Variants in TSN observed in about 807,000 individuals in gnomAD.
TSN encodes translin.
In TSN, 5 loss-of-function variants were observed where a neutral mutation model predicts 29.4. The ratio of observed to expected loss-of-function variants is 0.17; its 90% CI spans 0.09 to 0.36. The LOEUF is 0.36. Ranked by LOEUF, TSN falls within the 10% of genes least tolerant of loss-of-function variation. The pLI, the probability that TSN is intolerant of heterozygous loss-of-function variation, is 1.00. For missense variants in TSN, 159 were observed against 272.8 expected (o/e 0.58, Z 2.94); for synonymous variants, 106 against 102.2 (o/e 1.04, Z -0.23).
At position 121,755,760 on chromosome 2, in the gene TSN, A is replaced by G; in HGVS notation, c.-20A>G. On this transcript the variant is annotated 5_prime_UTR_variant, in exon 1 of 6. Coordinates refer to ENST00000389682, the MANE Select transcript of TSN (RefSeq NM_004622.3). ...TTGGCCGCCCTTGCTACACTGGCTGATTGTTGTGCAGCCGGCGCCATGTCT... is the reference window on the plus strand; with the variant it reads ...TTGGCCGCCCTTGCTACACTGGCTGGTTGTTGTGCAGCCGGCGCCATGTCT... The G allele has an allele frequency of 1.2e-6, 2 of 1,607,662 alleles. No homozygotes were observed. Among genetic ancestry groups the G allele is most frequent in the Non-Finnish European group, 1.7e-6 (2 of 1,179,952 alleles).
In TSN at chr2:121,765,663, C is replaced by G. The variant is rs2074892222; in HGVS notation, c.*296C>G. ...TTGGTAAAGTCCTTTTCTTGCTTAC[C>G]TTGACTGTTGATGTACTGATTGAGA... On this transcript the variant is annotated 3_prime_UTR_variant, in exon 6 of 6. Transcript: ENST00000389682. 1 of 409,236 alleles carries G rather than the reference C, an allele frequency of 2.4e-6. No individual in the cohort carries two copies. The allele number at this position is 409,236 out of a possible 1,614,324, so 25.4% of individuals were successfully genotyped here.
At chr2:121,758,614 T>G in intron 2 of TSN, 96 bp from the exon 3 acceptor site, 1 of 910,726 alleles carries the variant, frequency 1.1e-6, no homozygotes, top group African/African-American at 1.7e-5. Context: ...GAGGTTTTTT[T>G]GTTGATTAAT....
chr2:121,755,838 T>A lies in TSN; in HGVS notation c.59T>A (p.Ile20Asn). Residue 20 changes from isoleucine (I) to asparagine (N), a missense_variant, in exon 1 of 6, where the codon ATC becomes AAC. This residue lies in a region of TSN where 43 missense variants were observed against 68.6 expected (regional missense o/e 0.63). Coordinates refer to ENST00000389682, the MANE Select transcript of TSN (RefSeq NM_004622.3). ...LQGFLAAEQD[I>N]REEIRKVVQS... ...GGCTTTTTGGCTGCCGAGCAGGACA[T>A]CCGAGAGGCGAGCCCCCTCCCTTCC... The A allele has an allele frequency of 6.2e-7, 1 of 1,614,086 alleles. No individual in the cohort carries two copies. Among genetic ancestry groups the A allele is most frequent in the East Asian group, 2.2e-5 (1 of 44,876 alleles).
chr2:121,763,367 G>T (rs534266535), intron 5 of TSN, among the ~76,000 whole-genome samples: 4 of 152,000 alleles, frequency 2.6e-5, no homozygotes, highest in Non-Finnish European at 4.4e-5. Context: ...GGATGGTCTC[G>T]ATCTCCTGAC....
chr2:121,759,919 G>C (rs1435186300), intron 3 of TSN, among the ~76,000 whole-genome samples: 2 of 152,160 alleles, frequency 1.3e-5, no homozygotes, highest in African/African-American at 2.4e-5. Flanking sequence ...TCCCAGATAA[G>C]AATATGTAAC....
In TSN at chr2:121,758,807, G is replaced by A; in HGVS notation, c.257+1G>A. The A allele has an allele frequency of 6.6e-7, 1 of 1,522,844 alleles. No individual in the cohort carries two copies. Among genetic ancestry groups the A allele is most frequent in the Non-Finnish European group, 8.8e-7 (1 of 1,137,138 alleles). 94.3% of individuals were successfully genotyped at this position (1,522,844 alleles called of 1,614,324 possible). A position where few individuals can be genotyped will look rare whatever the true frequency, so the allele number is the denominator to read the frequency against. On this transcript the variant is annotated splice_donor_variant, in intron 3 of 5. Transcript: ENST00000389682. LOFTEE classifies it high-confidence loss of function. ...AATTTCCTGCTGAACAGTATTACAG[G>A]TTTGTAAGAAAAATAGCATTATTTT...
In TSN at chr2:121,763,007, G is replaced by C; in HGVS notation, c.376G>C (p.Glu126Gln). ...CTTTATTTTCATGTGTTTTTTAGTT[G>C]AGCCAGATCGGGAGAAAGGATTTCA... ...REAVTEILGIEPDREKGFHLD... is the reference protein window; with the variant it reads ...REAVTEILGIQPDREKGFHLD... The change falls in exon 5 of 6, where the codon GAG (glutamate) becomes CAG (glutamine). Residue 126 changes from glutamate (E) to glutamine (Q), a missense_variant and splice_region_variant. Glu to Gln is a conservative substitution (Grantham distance 29). This residue lies in a region of TSN where 85 missense variants were observed against 178.1 expected (regional missense o/e 0.48). Coordinates refer to ENST00000389682, the MANE Select transcript of TSN (RefSeq NM_004622.3). 6.2e-7 allele frequency: 1 copy of C among 1,604,806 alleles called. No individual in the cohort carries two copies. The highest frequency in any genetic ancestry group is 1.1e-5 in the South Asian group (1 of 88,840).
Position 121,757,259 on chromosome 2 carries a change from A to G in TSN, c.86A>G (p.Gln29Arg). 6.2e-7 allele frequency: 1 copy of G among 1,614,132 alleles called. No individual in the cohort carries two copies. Among genetic ancestry groups the G allele is most frequent in the Non-Finnish European group, 8.5e-7 (1 of 1,179,988 alleles). ...CTCTAGGAAATCAGAAAAGTTGTAC[A>G]GAGTTTAGAACAAACAGCTCGAGAG... is the stretch of plus-strand genomic sequence containing the variant. Reference protein sequence around the residue: ...DIREEIRKVVQSLEQTAREIL... With the variant: ...DIREEIRKVVRSLEQTAREIL... Residue 29 changes from glutamine (Q) to arginine (R), a missense_variant, in exon 2 of 6, where the codon CAG becomes CGG. Coordinates refer to ENST00000389682, the MANE Select transcript of TSN (RefSeq NM_004622.3).
At chr2:121,763,555 A>G (rs1054917802) in intron 5 of TSN, among the ~76,000 whole-genome samples, 1 of 152,168 alleles carries the variant, frequency 6.6e-6, no homozygotes, top group Non-Finnish European at 1.5e-5. Flanking sequence ...GTTACAATTT[A>G]CTAGGCATCA....
intron 2 of TSN, 55 bp downstream of exon 2, chr2:121,757,388 C>A (rs1309294359): frequency 6.2e-7 from 1 of 1,610,752 alleles, no homozygotes; most frequent in Non-Finnish European, 8.5e-7. Context: ...GGGAGAGTTT[C>A]TATCCAGAAG....
Position 121,755,682 on chromosome 2 carries a change from G to A in TSN, c.-98G>A, listed in dbSNP as rs781082265. ...GGCGTAAGACCGGGGGGACGCGGCG[G>A]TAGCGGCGGCCGTTGCGATTGATTG... On this transcript the variant is annotated 5_prime_UTR_variant, in exon 1 of 6. Coordinates refer to ENST00000389682, the MANE Select transcript of TSN (RefSeq NM_004622.3). 43 of 1,507,852 alleles carry A rather than the reference G, an allele frequency of 2.9e-5. No individual in the cohort carries two copies. Among genetic ancestry groups the A allele is most frequent in the Non-Finnish European group, 3.8e-5 (42 of 1,101,796 alleles). 93.4% of individuals were successfully genotyped at this position (1,507,852 alleles called of 1,614,324 possible).
intron 3 of TSN, among the ~76,000 whole-genome samples, chr2:121,760,710 A>G (rs1378009274): frequency 2.0e-5 from 3 of 152,198 alleles, no homozygotes; most frequent in African/African-American, 7.2e-5. Context: ...ACTCAAATCA[A>G]AATGGAGGAA....
In TSN at chr2:121,765,589, T is replaced by C. The variant is rs1275221131; in HGVS notation, c.*222T>C. On this transcript the variant is annotated 3_prime_UTR_variant, in exon 6 of 6. Transcript: ENST00000389682. ...TTTTTGTTGTTTCAGTGAATATGCC[T>C]GTAATTCAGTGTATTTCAGTTCCGT... 4 of 566,316 alleles carry C rather than the reference T, an allele frequency of 7.1e-6. No homozygotes were observed. Among genetic ancestry groups the C allele is most frequent in the Non-Finnish European group, 1.3e-5 (4 of 318,922 alleles). 35.1% of individuals were successfully genotyped at this position (566,316 alleles called of 1,614,324 possible). A position where few individuals can be genotyped will look rare whatever the true frequency, so the allele number is the denominator to read the frequency against.
chr2:121,759,674 G>A (rs2074795632), intron 3 of TSN, among the ~76,000 whole-genome samples: 1 of 151,518 alleles, frequency 6.6e-6, no homozygotes, highest in Non-Finnish European at 1.5e-5. Flanking sequence ...TGTTAAACTG[G>A]GAAAAACTGC....
chr2:121,757,519 T>A, intron 2 of TSN, 186 bp downstream of exon 2: 1 of 1,159,512 alleles, frequency 8.6e-7, no homozygotes, highest in Middle Eastern at 2.7e-4. Flanking sequence ...TAAACAGAGA[T>A]GTTTTCTATT....
rs2074877276 is a variant in TSN at position 121,764,541 on chromosome 2, T to C, written c.454-593T>C. Reference sequence around the variant, plus strand: ...AGGATTTTACAGAAAGGGGAATCTTTTTTATTATTTTAATATATTTTTTAA... The same window carrying C: ...AGGATTTTACAGAAAGGGGAATCTTCTTTATTATTTTAATATATTTTTTAA... On this transcript the variant is annotated intron_variant, in intron 5 of 5. Transcript: ENST00000389682. Among the ~76,000 whole-genome samples the C allele has an allele frequency of 2.6e-5, 4 of 152,084 alleles. No individual in the cohort carries two copies. The South Asian group carries it at 8.3e-4, about 32-fold the overall frequency.
intron 2 of TSN, 35 bp downstream of exon 2, chr2:121,757,368 C>T (rs1360728136): frequency 6.2e-7 from 1 of 1,613,272 alleles, no homozygotes; most frequent in East Asian, 2.2e-5. Context: ...TTATCAGTCT[C>T]TTATTTAGAG....
At chr2:121,761,149 G>A (rs1293094525) in intron 3 of TSN, among the ~76,000 whole-genome samples, 1 of 152,092 alleles carries the variant, frequency 6.6e-6, no homozygotes, top group Non-Finnish European at 1.5e-5. Context: ...GGGATTACAG[G>A]CGTGAGCCAT....
At chr2:121,756,341 G>A in intron 1 of TSN, 1 of 243,508 alleles carries the variant, frequency 4.1e-6, no homozygotes, top group Non-Finnish European at 8.6e-6. Context: ...ATAGCTTCCT[G>A]CCTGTTTGCT....
Sources: allele counts gnomAD v4.1 joint callset (sites outside exome capture counted in the v4.1 genomes callset), GRCh38; gene constraint gnomAD v4.1.1; regional missense constraint gnomAD v4.1.1; transcripts MANE v1.5; gene names NCBI Gene and HGNC (gene_info 2026-07-23, HGNC 2026-07-21).